The following FAM227A variants were observed in gnomAD, a reference collection of about 807,000 sequenced individuals.
FAM227A encodes protein FAM227A.
Under a neutral mutation model 74.7 loss-of-function variants are expected in FAM227A, and 80 were observed. The observed-to-expected ratio is 1.07, with a 90% CI of 0.89 to 1.29. FAM227A has a LOEUF of 1.29. Among genes scored for constraint, FAM227A ranks in the 50% most tolerant of loss-of-function variants. The pLI is 0.00. For missense variants in FAM227A, 654 were observed against 683.4 expected (o/e 0.96, Z 0.48); for synonymous variants, 237 against 241.8 (o/e 0.98, Z 0.19).
Position 38,607,439 on chromosome 22 carries a change from G to A in FAM227A, c.1076C>T (p.Ser359Leu), listed in dbSNP as rs556861809. ...GCTTTTTTCTGAGTTCTGCTTGGCCGAAGAGGTTTTTTCACTGGGTGAATT... is the reference window on the plus strand; with the variant it reads ...GCTTTTTTCTGAGTTCTGCTTGGCCAAAGAGGTTTTTTCACTGGGTGAATT... ...SANSPSEKTS[S>L]AKQNSEKSLR... The change falls in exon 12 of 17, where the codon TCG becomes TTG. Residue 359 changes from serine to leucine, a missense_variant. By Grantham distance (145) the Ser-to-Leu change is moderately radical. Coordinates refer to ENST00000535113, the MANE Select transcript of FAM227A (RefSeq NM_001013647.2). 1.2e-4 allele frequency: 190 copies of A among 1,551,432 alleles called. 1 individual carries two copies. The South Asian group carries it at 2.1e-3, about 17-fold the overall frequency.
chr22:38,585,666 C>G lies in FAM227A; in HGVS notation c.*459G>C, dbSNP rs1434753650. On this transcript the variant is annotated 3_prime_UTR_variant, in exon 17 of 17. Transcript: ENST00000535113. ...TACAGCATTTAATGTGTTGATACAT[C>G]TGTCTTCCCTCTACCAGATGGTGAC... is the stretch of plus-strand genomic sequence containing the variant. The G allele has an allele frequency of 5.5e-6, 1 of 181,490 alleles. No homozygotes were observed. The highest frequency in any genetic ancestry group is 2.4e-5 in the African/African-American group (1 of 42,544). 11.2% of individuals were successfully genotyped at this position (181,490 alleles called of 1,614,324 possible). A position where few individuals can be genotyped will look rare whatever the true frequency, so the allele number is the denominator to read the frequency against.
At chr22:38,635,980 A>G (rs1450965974) in intron 6 of FAM227A, among the ~76,000 whole-genome samples, 1 of 151,370 alleles carries the variant, frequency 6.6e-6, no homozygotes, top group East Asian at 1.9e-4. Context: ...ACAGAGGGAG[A>G]CCCTGTCTCA....
Position 38,583,068 on chromosome 22 carries a change from G to C in FAM227A, c.*3057C>G. 8.6e-7 allele frequency: 1 copy of C among 1,161,422 alleles called. No individual in the cohort carries two copies. The highest frequency in any genetic ancestry group is 2.0e-4 in the Middle Eastern group (1 of 5,074). 71.9% of individuals were successfully genotyped at this position (1,161,422 alleles called of 1,614,324 possible). On this transcript the variant is annotated 3_prime_UTR_variant, in exon 17 of 17. Transcript: ENST00000535113. ...AACTGCAAATGAAGAGTTGACAGTGGCTGGGGTAGTAAAGGGAAGGTGAGA... is the reference window on the plus strand; with the variant it reads ...AACTGCAAATGAAGAGTTGACAGTGCCTGGGGTAGTAAAGGGAAGGTGAGA...
rs2090797048 is a variant in FAM227A at position 38,585,953 on chromosome 22, G to A, written c.*172C>T. The stretch of plus-strand genomic sequence containing the variant: ...ACCCAAGCACCAACTCTCTACTCCT[G>A]CTTTTCACTCAGCCTAGGAAAAACT... On this transcript the variant is annotated 3_prime_UTR_variant, in exon 17 of 17. Coordinates refer to ENST00000535113, the MANE Select transcript of FAM227A (RefSeq NM_001013647.2). 2 of 1,456,190 alleles carry A rather than the reference G, an allele frequency of 1.4e-6. No homozygotes were observed. Among genetic ancestry groups the A allele is most frequent in the Non-Finnish European group, 1.8e-6 (2 of 1,095,326 alleles). The allele number at this position is 1,456,190 out of a possible 1,614,324, so 90.2% of individuals were successfully genotyped here.
chr22:38,642,889 T>C (rs2092146229), intron 3 of FAM227A, among the ~76,000 whole-genome samples: 1 of 151,886 alleles, frequency 6.6e-6, no homozygotes, highest in Non-Finnish European at 1.5e-5. Context: ...TGAGTCCAGA[T>C]TGCACCACTG....
intron 6 of FAM227A, among the ~76,000 whole-genome samples, chr22:38,632,758 G>T (rs2091937895): frequency 6.6e-6 from 1 of 152,176 alleles, no homozygotes; most frequent in Non-Finnish European, 1.5e-5. Context: ...AAAGGGGAAA[G>T]AACTTCAAAA....
In FAM227A at chr22:38,582,209, T is replaced by C; in HGVS notation, c.*3916A>G. ...TTTATTTGGGCCTCTTTGTAACCCC[T>C]TCCAGCTTCCCTCCTATCCCCTCTC... On this transcript the variant is annotated 3_prime_UTR_variant, in exon 17 of 17. Coordinates refer to ENST00000535113, the MANE Select transcript of FAM227A (RefSeq NM_001013647.2). 4.7e-6 allele frequency: 4 copies of C among 847,282 alleles called. No homozygotes were observed. Among genetic ancestry groups the C allele is most frequent in the Non-Finnish European group, 7.2e-6 (4 of 554,962 alleles). 52.5% of individuals were successfully genotyped at this position (847,282 alleles called of 1,614,324 possible).
In FAM227A at chr22:38,586,099, T is replaced by C; in HGVS notation, c.*26A>G. ...GAAATATCACGGATTCTGTAGGCGC[T>C]TCCTGGTTCTAGGTTGTGGAGCTCC... On this transcript the variant is annotated 3_prime_UTR_variant, in exon 17 of 17. Coordinates refer to ENST00000535113, the MANE Select transcript of FAM227A (RefSeq NM_001013647.2). 6.4e-7 allele frequency: 1 copy of C among 1,552,134 alleles called. No homozygotes were observed. The highest frequency in any genetic ancestry group is 8.7e-7 in the Non-Finnish European group (1 of 1,147,064).
chr22:38,586,052 T>G lies in FAM227A; in HGVS notation c.*73A>C, dbSNP rs1228341954. 2.5e-5 allele frequency: 38 copies of G among 1,548,388 alleles called. No individual in the cohort carries two copies. Among genetic ancestry groups the G allele is most frequent in the Non-Finnish European group, 3.1e-5 (36 of 1,146,118 alleles). Reference sequence around the variant, plus strand: ...TTTGGCCACAATTTTCTTATTTTCTTGTTCCACTCCACCTCGTAGCAGAAA... The same window carrying G: ...TTTGGCCACAATTTTCTTATTTTCTGGTTCCACTCCACCTCGTAGCAGAAA... On this transcript the variant is annotated 3_prime_UTR_variant, in exon 17 of 17. Transcript: ENST00000535113.
intron 8 of FAM227A, 64 bp from the exon 9 acceptor site, chr22:38,626,367 G>T: frequency 1.3e-6 from 2 of 1,498,556 alleles, no homozygotes; most frequent in South Asian, 2.6e-5. Flanking sequence ...ATGATTTGGG[G>T]ATGAGGAAGG....
rs190176328 is a variant in FAM227A, at chr22:38,612,540, T to C, written c.1039-5064A>G. ...TTCTGGGGTCATTACTTGTTACATG[T>C]GTGCTTTTTCTTCTCCACATATGTG... On this transcript the variant is annotated intron_variant, in intron 11 of 16. Transcript: ENST00000535113. Among the ~76,000 whole-genome samples the C allele has an allele frequency of 4.8e-3, 733 of 152,332 alleles. 2 individuals carry two copies. Among genetic ancestry groups the C allele is most frequent in the Non-Finnish European group, 8.3e-3 (562 of 68,032 alleles).
At chr22:38,620,891 A>G (rs747426834) in intron 10 of FAM227A, among the ~76,000 whole-genome samples, 1 of 152,200 alleles carries the variant, frequency 6.6e-6, no homozygotes, top group South Asian at 2.1e-4. Flanking sequence ...GACTGGTTTC[A>G]GAAGAAAAAC....
chr22:38,647,517 CAGAG>C (rs1432847923), intron 2 of FAM227A, among the ~76,000 whole-genome samples: 9 of 152,072 alleles, frequency 5.9e-5, no homozygotes, highest in Non-Finnish European at 1.3e-4. Flanking sequence ...TGTGATGTCA[CAGAG>C]AGCTGTTTCC....
chr22:38,602,968 G>A (rs2091208111), intron 13 of FAM227A, among the ~76,000 whole-genome samples: 1 of 152,082 alleles, frequency 6.6e-6, no homozygotes, highest in East Asian at 1.9e-4. Flanking sequence ...CCGCCTCCTG[G>A]GTTCAAGCAA....
intron 8 of FAM227A, among the ~76,000 whole-genome samples, chr22:38,627,857 G>A (rs558833984): frequency 1.3e-5 from 2 of 152,228 alleles, no homozygotes; most frequent in Admixed American, 1.3e-4. Context: ...GCCCGCCTTG[G>A]CCTCCCAAAG....
rs1169612870 is a variant in FAM227A, at chr22:38,601,417, G to A, written c.1222-1496C>T. ...ACTGATATGTGCTTGGTGTGGCTGA[G>A]GGGCAGAAATGAGGTGGCTCACAGG... On this transcript the variant is annotated intron_variant, in intron 13 of 16. Transcript: ENST00000535113. Among the ~76,000 whole-genome samples the A allele has an allele frequency of 2.6e-5, 4 of 152,048 alleles. No homozygotes were observed. In the East Asian group the frequency reaches 7.8e-4, roughly 30 times the overall value.
At chr22:38,617,808 G>A (rs913610413) in intron 11 of FAM227A, among the ~76,000 whole-genome samples, 11 of 152,040 alleles carry the variant, frequency 7.2e-5, no homozygotes, top group African/African-American at 2.4e-4. Context: ...GACCAGCCTG[G>A]GCAACATAGC....
chr22:38,595,224 A>G (rs2091019987), intron 15 of FAM227A, among the ~76,000 whole-genome samples: 1 of 152,200 alleles, frequency 6.6e-6, no homozygotes, highest in East Asian at 1.9e-4. Flanking sequence ...AGCCAATAGC[A>G]ATTCCCTCTT....
chr22:38,613,851 G>A (rs2091519743), intron 11 of FAM227A, among the ~76,000 whole-genome samples: 1 of 152,162 alleles, frequency 6.6e-6, no homozygotes. Context: ...GGTTCAGTGA[G>A]ATGAAATGAC....
Sources: allele counts gnomAD v4.1 joint callset (sites outside exome capture counted in the v4.1 genomes callset), GRCh38; gene constraint gnomAD v4.1.1; transcripts MANE v1.5; gene names NCBI Gene and HGNC (gene_info 2026-07-23, HGNC 2026-07-21).